The following VPS13D variants were observed in gnomAD, a reference collection of about 807,000 sequenced individuals.
VPS13D encodes the protein intermembrane lipid transfer protein VPS13D.
In VPS13D, 187 loss-of-function variants were observed where a neutral mutation model predicts 461.9. The ratio of observed to expected loss-of-function variants is 0.40; its 90% CI spans 0.36 to 0.46. VPS13D has a LOEUF of 0.46. VPS13D is among the 20% of genes least tolerant of loss of function. The probability of loss-of-function intolerance (pLI) is 0.60; values close to 1 mark genes in which losing one functional copy is unlikely to be tolerated. For synonymous variants in VPS13D, 1,951 were observed against 1,986.3 expected (o/e 0.98, Z 0.47); for missense variants, 4,711 against 5,364.9 (o/e 0.88, Z 3.81).
intron 65 of VPS13D, among the ~76,000 whole-genome samples, chr1:12,448,773 C>T (rs1651125884): frequency 6.6e-6 from 1 of 152,180 alleles, no homozygotes; most frequent in Non-Finnish European, 1.5e-5. Context: ...CATACTCCAC[C>T]AATCCTTTTT....
chr1:12,397,019 C>T (rs888985850), intron 60 of VPS13D, among the ~76,000 whole-genome samples: 4 of 152,118 alleles, frequency 2.6e-5, no homozygotes, highest in Non-Finnish European at 4.4e-5. Flanking sequence ...CTGCAACCTC[C>T]GCCTCCCAGG....
Position 12,415,222 on chromosome 1 carries a change from G to A in VPS13D, c.12165+1G>A. 6.2e-7 allele frequency: 1 copy of A among 1,614,076 alleles called. No individual in the cohort carries two copies. The highest frequency in any genetic ancestry group is 1.1e-5 in the South Asian group (1 of 91,070). On this transcript the variant is annotated splice_donor_variant, in intron 64 of 69. Coordinates refer to ENST00000620676, the MANE Select transcript of VPS13D (RefSeq NM_015378.4). LOFTEE classifies it high-confidence loss of function. ...TGATATCCTCAAACATTTCCAGGAG[G>A]TGAGGCTTGGAGAAGTAATCATTGG...
At chr1:12,343,799 A>G (rs541810579) in intron 42 of VPS13D, among the ~76,000 whole-genome samples, 10 of 152,394 alleles carry the variant, frequency 6.6e-5, no homozygotes, top group Admixed American at 4.6e-4. Flanking sequence ...AAACATAGAC[A>G]TATCATAACC....
Position 12,493,424 on chromosome 1 carries a change from A to G in VPS13D, c.12663-4076A>G, listed in dbSNP as rs1396856166. 2.0e-5 allele frequency among the ~76,000 whole-genome samples: 3 copies of G among 150,142 alleles called. No individual in the cohort carries two copies. In the East Asian group the frequency reaches 5.9e-4, roughly 30 times the overall value. On this transcript the variant is annotated intron_variant, in intron 67 of 69. Coordinates refer to ENST00000620676, the MANE Select transcript of VPS13D (RefSeq NM_015378.4). The stretch of plus-strand genomic sequence containing the variant: ...CATGAACCTGGGAGGCAGAGCTTGC[A>G]GTGAGCCAAGATTGCACCATTGCAC...
At position 12,314,166 on chromosome 1, in the gene VPS13D, CA is replaced by C. The variant is rs1642831325; in HGVS notation, c.6989del (p.Lys2330SerfsTer10). On this transcript the variant is annotated frameshift_variant, in exon 30 of 70. Transcript: ENST00000620676. LOFTEE classifies it high-confidence loss of function. ...LLYESFSNQT[K>X]SINLVSHSMM... The stretch of plus-strand genomic sequence containing the variant: ...TCTATGAAAGTTTTTCCAACCAAAC[CA>C]AGTCCATTAACTTGGTTTCCCATTC... 1 of 1,614,014 alleles carries C rather than the reference CA, an allele frequency of 6.2e-7. No individual in the cohort carries two copies. Among genetic ancestry groups the C allele is most frequent in the Non-Finnish European group, 8.5e-7 (1 of 1,180,024 alleles).
rs1640482030 is a variant in VPS13D, at chr1:12,244,525, T to A, written c.367-12T>A. The A allele has an allele frequency of 6.2e-7, 1 of 1,614,090 alleles. No homozygotes were observed. Among genetic ancestry groups the A allele is most frequent in the Non-Finnish European group, 8.5e-7 (1 of 1,180,010 alleles). Reference sequence around the variant, plus strand: ...CACTAGATTGAGCTAATGCTGACTCTTGTCTTTGTAGAATGACCGCCAGCA... The same window carrying A: ...CACTAGATTGAGCTAATGCTGACTCATGTCTTTGTAGAATGACCGCCAGCA... On this transcript the variant is annotated splice_polypyrimidine_tract_variant and intron_variant, in intron 4 of 69. Coordinates refer to ENST00000620676, the MANE Select transcript of VPS13D (RefSeq NM_015378.4).
At chr1:12,359,143 A>G (rs1643914823) in intron 50 of VPS13D, among the ~76,000 whole-genome samples, 1 of 152,124 alleles carries the variant, frequency 6.6e-6, no homozygotes, top group Admixed American at 6.5e-5. Context: ...GCTTATGGAG[A>G]TGGGAAGGGT....
At chr1:12,450,784 A>G (rs1032512711) in intron 65 of VPS13D, among the ~76,000 whole-genome samples, 30 of 152,200 alleles carry the variant, frequency 2.0e-4, no homozygotes, top group African/African-American at 7.0e-4. Context: ...GCTTACCCGG[A>G]CGTAATCCCA....
Position 12,341,798 on chromosome 1 carries a change from A to G in VPS13D, c.8645A>G (p.Lys2882Arg). The change falls in exon 41 of 70, where the codon AAG (lysine) becomes AGG (arginine). Residue 2882 changes from lysine (K) to arginine (R), a missense_variant. Around this residue, in one of 3 missense-constraint regions of VPS13D, gnomAD observed 4,411 missense variants for 4,937.8 expected, o/e 0.89. Transcript: ENST00000620676. ...GTCGTAGCAGAGGTGAAAACCCCCA[A>G]GCGCCGGCAGCCATTTGTCCCCTTT... ...IYARAEVKTP[K>R]RRQPFVPFAL... 6.2e-7 allele frequency: 1 copy of G among 1,613,940 alleles called. No homozygotes were observed.
intron 67 of VPS13D, among the ~76,000 whole-genome samples, chr1:12,486,646 C>T (rs1368826148): frequency 6.6e-6 from 1 of 152,210 alleles, no homozygotes; most frequent in African/African-American, 2.4e-5. Context: ...GTCCCCCCCA[C>T]GTTGGAATGA....
intron 26 of VPS13D, 146 bp downstream of exon 26, chr1:12,304,874 T>A: frequency 1.1e-6 from 1 of 873,444 alleles, no homozygotes; most frequent in Admixed American, 2.6e-5. Flanking sequence ...CTGATTTTGC[T>A]TTACAAGGTT....
intron 21 of VPS13D, among the ~76,000 whole-genome samples, chr1:12,285,296 A>ATTTT (rs67174302): frequency 0.016 from 2,086 of 133,624 alleles, 34 homozygotes; most frequent in Admixed American, 0.038. Context: ...TTATTTATTT[A>ATTTT]TTTTTTTTTT....
At chr1:12,455,887 C>G (rs1645320005) in intron 65 of VPS13D, 111 bp from the exon 66 acceptor site, 1 of 1,343,172 alleles carries the variant, frequency 7.4e-7, no homozygotes, top group East Asian at 2.7e-5. Context: ...CCACTACAGA[C>G]CAGCATGGGC....
chr1:12,413,193 T>C (rs1015633819), intron 63 of VPS13D, among the ~76,000 whole-genome samples: 1 of 152,052 alleles, frequency 6.6e-6, no homozygotes, highest in African/African-American at 2.4e-5. Context: ...TTGTTTTTGT[T>C]TTTGGTCGTT....
At chr1:12,306,573 A>G (rs1353684862) in intron 26 of VPS13D, among the ~76,000 whole-genome samples, 9 of 152,308 alleles carry the variant, frequency 5.9e-5, no homozygotes, top group Non-Finnish European at 1.3e-4. Context: ...TTTTAACAGT[A>G]TATCTCCTAC....
At chr1:12,401,794 G>A in intron 62 of VPS13D, 90 bp downstream of exon 62, 1 of 1,001,620 alleles carries the variant, frequency 1.0e-6, no homozygotes, top group Non-Finnish European at 1.5e-6. Context: ...GCCCCTTGGT[G>A]TCTGATAGGC....
At chr1:12,349,693 G>A (rs1262545439) in intron 46 of VPS13D, among the ~76,000 whole-genome samples, 3 of 152,136 alleles carry the variant, frequency 2.0e-5, no homozygotes, top group African/African-American at 4.8e-5. Flanking sequence ...AGAAAATAAC[G>A]AGTTCTCATT....
intron 54 of VPS13D, among the ~76,000 whole-genome samples, chr1:12,371,630 C>T (rs1644118732): frequency 6.6e-6 from 1 of 152,038 alleles, no homozygotes; most frequent in East Asian, 1.9e-4. Context: ...TGACTTCAGG[C>T]GATCCACCCA....
chr1:12,406,674 A>C (rs1328239018), intron 63 of VPS13D, among the ~76,000 whole-genome samples: 7 of 152,224 alleles, frequency 4.6e-5, no homozygotes, highest in African/African-American at 1.7e-4. Context: ...AGACCAAAGC[A>C]CAGCATTCCT....
Sources: gnomAD v4.1 joint callset for allele counts (sites outside exome capture counted in the v4.1 genomes callset) on GRCh38, gnomAD v4.1.1 for gene constraint, gnomAD v4.1.1 regional missense constraint, MANE v1.5 for transcripts, NCBI Gene and HGNC (gene_info 2026-07-23, HGNC 2026-07-21) for gene names.